DGKB: variants seen among roughly 807,000 people sequenced by gnomAD.
DGKB encodes the protein diacylglycerol kinase beta.
In DGKB, 67 loss-of-function variants were observed where a neutral mutation model predicts 114.3. That is an observed-to-expected ratio of 0.59 (90% confidence interval 0.48 to 0.72). The LOEUF is 0.72. Ranked by LOEUF, DGKB falls within the 30% of genes least tolerant of loss-of-function variation. The pLI, the probability that DGKB is intolerant of heterozygous loss-of-function variation, is 0.00. For missense variants in DGKB, 907 were observed against 975.2 expected (o/e 0.93, Z 0.93); for synonymous variants, 398 against 323.1 (o/e 1.23, Z -2.49).
chr7:14,548,256 C>T (rs1204981589), intron 20 of DGKB, among the ~76,000 whole-genome samples: 1 of 152,192 alleles, frequency 6.6e-6, no homozygotes, highest in African/African-American at 2.4e-5. Flanking sequence ...GAATAACTTA[C>T]ATTCCTTCAC....
intron 5 of DGKB, among the ~76,000 whole-genome samples, chr7:14,729,162 G>C (rs564978811): frequency 7.6e-4 from 89 of 117,256 alleles, no homozygotes; most frequent in Non-Finnish European, 1.1e-3. Context: ...TCACTCTGTT[G>C]CCCAGGCTGG....
rs190035169 is a variant in DGKB, at chr7:14,348,312, A to G, written c.1836-2921T>C. Reference sequence around the variant, plus strand: ...TAGATTCATCCAGGTTGTTTCACATATCAACAGTTTCTTCCTTTTATCACT... The same window carrying G: ...TAGATTCATCCAGGTTGTTTCACATGTCAACAGTTTCTTCCTTTTATCACT... On this transcript the variant is annotated intron_variant, in intron 21 of 25. Transcript: ENST00000402815. 1.7e-3 allele frequency among the ~76,000 whole-genome samples: 262 copies of G among 152,212 alleles called. 2 individuals are homozygous for G. Among genetic ancestry groups the G allele is most frequent in the African/African-American group, 6.0e-3 (250 of 41,546 alleles).
chr7:14,290,597 G>A (rs914707443), intron 23 of DGKB, among the ~76,000 whole-genome samples: 1 of 152,114 alleles, frequency 6.6e-6, no homozygotes, highest in Non-Finnish European at 1.5e-5. Flanking sequence ...TTGTGATGTG[G>A]AAGGAAATGA....
chr7:14,507,991 C>T (rs1201577037), intron 20 of DGKB, among the ~76,000 whole-genome samples: 1 of 152,164 alleles, frequency 6.6e-6, no homozygotes, highest in Non-Finnish European at 1.5e-5. Flanking sequence ...CTTTTGGCTA[C>T]TGTGGGTAAC....
chr7:14,333,742 C>A (rs897716906), intron 23 of DGKB, among the ~76,000 whole-genome samples: 2 of 152,068 alleles, frequency 1.3e-5, no homozygotes, highest in Non-Finnish European at 2.9e-5. Flanking sequence ...GTTCATATTC[C>A]TTGAGAGGTC....
chr7:14,523,488 T>TACTTATAGTTCAGTCA (rs1226594011), intron 20 of DGKB, among the ~76,000 whole-genome samples: 1 of 152,176 alleles, frequency 6.6e-6, no homozygotes, highest in Non-Finnish European at 1.5e-5. Flanking sequence ...GTCAACAGCC[T>TACTTATAGTTCAGTCA]ACAGTATAGT....
intron 23 of DGKB, among the ~76,000 whole-genome samples, chr7:14,241,939 TATATACACACACACATATACAC>T (rs1793719664): frequency 1.2e-5 from 1 of 81,384 alleles, no homozygotes; most frequent in South Asian, 5.1e-4. Context: ...CACATATAGA[TATATACACACACACATATACAC>T]ACACACACAC....
At chr7:14,565,090 G>A (rs189656381) in intron 20 of DGKB, among the ~76,000 whole-genome samples, 5 of 152,266 alleles carry the variant, frequency 3.3e-5, no homozygotes, top group Non-Finnish European at 7.4e-5. Context: ...GCTTAGTTAT[G>A]TGATATTCTT....
intron 1 of DGKB, among the ~76,000 whole-genome samples, chr7:14,958,824 C>G (rs1158740652): frequency 6.6e-6 from 1 of 152,056 alleles, no homozygotes; most frequent in African/African-American, 2.4e-5. Context: ...GCTGGAATCT[C>G]TCTCTCCTCC....
intron 23 of DGKB, among the ~76,000 whole-genome samples, chr7:14,328,888 C>A (rs917228535): frequency 2.0e-5 from 3 of 151,686 alleles, no homozygotes; most frequent in South Asian, 2.1e-4. Flanking sequence ...CAAACCTTGC[C>A]GAAAGCAGAC....
In DGKB at chr7:14,810,781, G is replaced by A. The variant is rs893405326; in HGVS notation, c.70+30413C>T. On this transcript the variant is annotated intron_variant, in intron 2 of 25. Coordinates refer to ENST00000402815, the MANE Select transcript of DGKB (RefSeq NM_001350709.2). ...GCGCCACCATGCCAGGCTACCATTTGTATTTTTGGTAGAGATGCTGTTTCG... is the reference window on the plus strand; with the variant it reads ...GCGCCACCATGCCAGGCTACCATTTATATTTTTGGTAGAGATGCTGTTTCG... Among the ~76,000 whole-genome samples the A allele has an allele frequency of 7.2e-5, 11 of 152,160 alleles. No individual in the cohort carries two copies. In the Middle Eastern group the frequency reaches 0.01, roughly 141 times the overall value.
At chr7:14,625,961 G>A (rs1407589829) in intron 14 of DGKB, among the ~76,000 whole-genome samples, 1 of 151,888 alleles carries the variant, frequency 6.6e-6, no homozygotes, top group Non-Finnish European at 1.5e-5. Context: ...TCTTAACTGG[G>A]GAATATATTG....
intron 21 of DGKB, among the ~76,000 whole-genome samples, chr7:14,361,519 T>G (rs1018355076): frequency 9.2e-5 from 14 of 151,966 alleles, no homozygotes; most frequent in African/African-American, 3.4e-4. Context: ...TTGTTGCCAG[T>G]CATGATGCTA....
At chr7:14,548,217 G>A (rs1267579854) in intron 20 of DGKB, among the ~76,000 whole-genome samples, 2 of 152,168 alleles carry the variant, frequency 1.3e-5, no homozygotes, top group Non-Finnish European at 2.9e-5. Flanking sequence ...AGAACTACGT[G>A]TCAATGTATG....
chr7:14,852,479 G>T (rs1849486631), intron 1 of DGKB, among the ~76,000 whole-genome samples: 1 of 3,922 alleles, frequency 2.5e-4, no homozygotes, highest in African/African-American at 5.1e-3. Context: ...AGCTAAAATA[G>T]TGAAAGTCAA....
intron 1 of DGKB, among the ~76,000 whole-genome samples, chr7:14,928,010 C>T (rs563289765): frequency 1.6e-4 from 25 of 151,882 alleles, no homozygotes; most frequent in African/African-American, 5.5e-4. Context: ...CTTCATAGTG[C>T]TACATCTAGA....
intron 23 of DGKB, chr7:14,191,007 G>T: frequency 6.5e-6 from 1 of 154,676 alleles, no homozygotes; most frequent in South Asian, 1.9e-4. Context: ...ACCTGAACAT[G>T]GTATCACCAT....
At chr7:14,429,220 A>G (rs1828051111) in intron 21 of DGKB, among the ~76,000 whole-genome samples, 1 of 152,110 alleles carries the variant, frequency 6.6e-6, no homozygotes, top group Non-Finnish European at 1.5e-5. Flanking sequence ...TGGTGTTAGG[A>G]AATGTGGCCT....
At chr7:14,418,267 T>C (rs996088469) in intron 21 of DGKB, among the ~76,000 whole-genome samples, 3 of 135,710 alleles carry the variant, frequency 2.2e-5, no homozygotes, top group African/African-American at 5.2e-5. Context: ...TATATATGTA[T>C]ATATATTTTA....
Sources: allele counts gnomAD v4.1 joint callset (sites outside exome capture counted in the v4.1 genomes callset), GRCh38; gene constraint gnomAD v4.1.1; transcripts MANE v1.5; gene names NCBI Gene and HGNC (gene_info 2026-07-23, HGNC 2026-07-21).